Variants in TSHZ3 observed in about 807,000 individuals in gnomAD.
TSHZ3 encodes the protein teashirt zinc finger homeobox 3, also known as teashirt homolog 3.
Under a neutral mutation model 64.5 loss-of-function variants are expected in TSHZ3, and 10 were observed. The ratio of observed to expected loss-of-function variants is 0.16; its 90% CI spans 0.10 to 0.26. The LOEUF (loss-of-function observed/expected upper bound fraction) is 0.26, where lower values mean the gene tolerates loss of function less well. Ranked by LOEUF, TSHZ3 falls within the 10% of genes least tolerant of loss-of-function variation. The pLI, the probability that TSHZ3 is intolerant of heterozygous loss-of-function variation, is 1.00. For missense variants in TSHZ3, 1,242 were observed against 1,421.7 expected (o/e 0.87, Z 2.03); for synonymous variants, 608 against 593.1 (o/e 1.03, Z -0.36).
At chr19:31,296,489 C>A (rs956155056) in intron 1 of TSHZ3, among the ~76,000 whole-genome samples, 9 of 151,922 alleles carry the variant, frequency 5.9e-5, no homozygotes, top group African/African-American at 2.2e-4. Flanking sequence ...TGCCCGCCAC[C>A]ATGCCTGGCT....
At chr19:31,252,052 C>A (rs1975851305) in intron 1 of TSHZ3, among the ~76,000 whole-genome samples, 1 of 152,216 alleles carries the variant, frequency 6.6e-6, no homozygotes, top group South Asian at 2.1e-4. Context: ...TGCTGCGTAA[C>A]CTGCAGATGT....
chr19:31,341,625 T>TGACA (rs1250570516), intron 1 of TSHZ3, among the ~76,000 whole-genome samples: 110 of 131,304 alleles, frequency 8.4e-4, no homozygotes, highest in Non-Finnish European at 1.5e-3. Context: ...TCTCTCTCTC[T>TGACA]CTCTGACACA....
chr19:31,168,730 T>C (rs920485656), intron 5 of TSHZ3, among the ~76,000 whole-genome samples: 4 of 152,192 alleles, frequency 2.6e-5, no homozygotes, highest in African/African-American at 9.7e-5. Context: ...TTCATTCCCC[T>C]CTGTGCCTTT....
At chr19:31,327,482 T>C (rs1275557344) in intron 1 of TSHZ3, among the ~76,000 whole-genome samples, 2 of 152,198 alleles carry the variant, frequency 1.3e-5, no homozygotes, top group African/African-American at 4.8e-5. Flanking sequence ...GGAAGGAAAA[T>C]GCACTTTGTT....
chr19:31,272,647 A>G (rs1337592205), downstream of TSHZ3, among the ~76,000 whole-genome samples: 3 of 152,182 alleles, frequency 2.0e-5, no homozygotes, highest in Non-Finnish European at 4.4e-5. Flanking sequence ...GATGTGGCAT[A>G]TTGATTTCTT....
chr19:31,304,171 C>A (rs1296994875), intron 1 of TSHZ3, among the ~76,000 whole-genome samples: 1 of 152,130 alleles, frequency 6.6e-6, no homozygotes, highest in East Asian at 1.9e-4. Flanking sequence ...GACGGGGTTT[C>A]ACCATGTTGG....
intron 1 of TSHZ3, among the ~76,000 whole-genome samples, chr19:31,283,875 G>A (rs921129397): frequency 1.3e-5 from 2 of 152,176 alleles, no homozygotes; most frequent in Non-Finnish European, 2.9e-5. Context: ...AAGGAGGGGA[G>A]GAAAGACTGG....
chr19:31,165,501 A>G (rs1261396009), intron 5 of TSHZ3, among the ~76,000 whole-genome samples: 1 of 152,208 alleles, frequency 6.6e-6, no homozygotes, highest in Non-Finnish European at 1.5e-5. Context: ...TTGGATGTAA[A>G]CGAAGTCATC....
intron 5 of TSHZ3, among the ~76,000 whole-genome samples, chr19:31,194,666 C>A (rs1185217882): frequency 6.6e-6 from 1 of 152,112 alleles, no homozygotes; most frequent in Non-Finnish European, 1.5e-5. Context: ...TACATATTGA[C>A]CAGCTATCAA....
At chr19:31,289,229 C>T (rs940565441) in intron 1 of TSHZ3, among the ~76,000 whole-genome samples, 16 of 152,188 alleles carry the variant, frequency 1.1e-4, no homozygotes, top group Admixed American at 7.2e-4. Flanking sequence ...GCTCACCCCT[C>T]CTCTTGTAAA....
intron 5 of TSHZ3, among the ~76,000 whole-genome samples, chr19:31,177,602 T>C (rs1307250210): frequency 6.6e-6 from 1 of 152,242 alleles, no homozygotes; most frequent in East Asian, 1.9e-4. Flanking sequence ...GCTTGGAAAT[T>C]CCACGATGAG....
intron 1 of TSHZ3, among the ~76,000 whole-genome samples, chr19:31,335,971 C>T (rs900256015): frequency 1.3e-5 from 2 of 152,222 alleles, no homozygotes. Context: ...GTGCACTGAT[C>T]TGGCGTTCCC....
intron 1 of TSHZ3, among the ~76,000 whole-genome samples, chr19:31,248,547 G>A (rs751821418): frequency 1.6e-4 from 24 of 151,848 alleles, no homozygotes; most frequent in Admixed American, 5.3e-4. Flanking sequence ...AGTGGTCCCT[G>A]CCTGTCATCC....
chr19:31,325,840 TA>T (rs1916916241), intron 1 of TSHZ3, among the ~76,000 whole-genome samples: 1 of 152,150 alleles, frequency 6.6e-6, no homozygotes, highest in East Asian at 1.9e-4. Context: ...TTAAAAAGTA[TA>T]AGGCAGCTCT....
intron 4 of TSHZ3, among the ~76,000 whole-genome samples, chr19:31,212,612 A>G (rs1418287356): frequency 6.6e-6 from 1 of 152,224 alleles, no homozygotes; most frequent in African/African-American, 2.4e-5. Flanking sequence ...TTCCAAGAGT[A>G]CTGGGGAACT....
chr19:31,239,729 GACA>G (rs915337774), intron 3 of TSHZ3, among the ~76,000 whole-genome samples: 29 of 149,908 alleles, frequency 1.9e-4, no homozygotes, highest in African/African-American at 6.8e-4. Context: ...ACAGGCATGT[GACA>G]ACATGCCCAG....
At chr19:31,296,042 T>C (rs948656530) in intron 1 of TSHZ3, among the ~76,000 whole-genome samples, 8 of 150,794 alleles carry the variant, frequency 5.3e-5, no homozygotes, top group African/African-American at 2.0e-4. Context: ...TAATTTCTCA[T>C]ATGAGGAGAT....
chr19:31,342,319 G>C (rs1022110718), intron 1 of TSHZ3, among the ~76,000 whole-genome samples: 2 of 152,154 alleles, frequency 1.3e-5, no homozygotes, highest in Non-Finnish European at 2.9e-5. Context: ...GGTTTAACAG[G>C]GAAAAAGCTG....
downstream of TSHZ3, among the ~76,000 whole-genome samples, chr19:31,273,673 C>A (rs970815886): frequency 2.0e-5 from 3 of 152,162 alleles, no homozygotes; most frequent in African/African-American, 7.2e-5. Context: ...GCGGAAGGCA[C>A]GGGAGGGAGG....
Sources: allele counts gnomAD v4.1 joint callset (sites outside exome capture counted in the v4.1 genomes callset), GRCh38; gene constraint gnomAD v4.1.1; transcripts MANE v1.5; gene names NCBI Gene and HGNC (gene_info 2026-07-23, HGNC 2026-07-21).